PCDHA1: variants seen among roughly 807,000 people sequenced by gnomAD.
PCDHA1 encodes the protein protocadherin alpha-1.
In PCDHA1, 42 loss-of-function variants were observed where a neutral mutation model predicts 61.3. That is an observed-to-expected ratio of 0.69 (90% confidence interval 0.54 to 0.89). PCDHA1 has a LOEUF of 0.89. Ranked by LOEUF, PCDHA1 falls within the 40% of genes least tolerant of loss-of-function variation. The pLI, the probability that PCDHA1 is intolerant of heterozygous loss-of-function variation, is 0.00. For synonymous variants in PCDHA1, 610 were observed against 553.8 expected (o/e 1.10, Z -1.43); for missense variants, 1,256 against 1,235.3 (o/e 1.02, Z -0.25).
intron 1 of PCDHA1, chr5:140,854,286 T>C: frequency 3.8e-6 from 2 of 522,000 alleles, no homozygotes; most frequent in Non-Finnish European, 4.9e-6. Context: ...AGTTTAGTTT[T>C]TATTATTTTG....
chr5:140,819,712 ATAATT>A (rs1766603643), intron 1 of PCDHA1, among the ~76,000 whole-genome samples: 1 of 152,132 alleles, frequency 6.6e-6, no homozygotes, highest in Non-Finnish European at 1.5e-5. Context: ...AAAAGTAAAT[ATAATT>A]TAACAGATAT....
chr5:140,840,467 A>G (rs1269068872), intron 1 of PCDHA1, among the ~76,000 whole-genome samples: 8 of 152,088 alleles, frequency 5.3e-5, no homozygotes, highest in East Asian at 1.9e-4. Flanking sequence ...AAAGTTGGGG[A>G]AAAAAGTTTA....
intron 1 of PCDHA1, among the ~76,000 whole-genome samples, chr5:140,963,787 A>G (rs155812): frequency 0.31 from 47,834 of 152,128 alleles, 7,882 homozygotes; most frequent in East Asian, 0.53. Context: ...AACAACAACA[A>G]TAATGTACTT....
At chr5:140,928,240 C>G (rs1174659124) in intron 1 of PCDHA1, 1 of 1,614,108 alleles carries the variant, frequency 6.2e-7, no homozygotes, top group Non-Finnish European at 8.5e-7. Flanking sequence ...TCAACCCCAG[C>G]AGGAACTTTT....
At position 140,969,226 on chromosome 5, in the gene PCDHA1, G is replaced by A. The variant is rs145631723; in HGVS notation, c.2395-9723G>A. 3.9e-4 allele frequency: 622 copies of A among 1,614,150 alleles called. 3 individuals are homozygous for A. The African/African-American group carries it at 5.9e-3, about 15-fold the overall frequency. On this transcript the variant is annotated intron_variant, in intron 1 of 3. Transcript: ENST00000504120. Reference sequence around the variant, plus strand: ...GGGCCCAGACAGGACCAGGGCCTTCGGGAGCCCAAGCAGCAGTGACTGACA... The same window carrying A: ...GGGCCCAGACAGGACCAGGGCCTTCAGGAGCCCAAGCAGCAGTGACTGACA...
intron 3 of PCDHA1, among the ~76,000 whole-genome samples, chr5:140,987,372 A>G (rs1357478474): frequency 6.6e-6 from 1 of 152,204 alleles, no homozygotes; most frequent in Non-Finnish European, 1.5e-5. Flanking sequence ...ATATCATTAC[A>G]GGGTCAGAAT....
At chr5:140,832,340 G>T (rs2150201175) in intron 1 of PCDHA1, among the ~76,000 whole-genome samples, 2 of 152,234 alleles carry the variant, frequency 1.3e-5, no homozygotes, top group African/African-American at 4.8e-5. Flanking sequence ...ACTGAGTTGT[G>T]GTTTGTGTTT....
At chr5:140,854,696 T>C (rs190246288) in intron 1 of PCDHA1, 1 of 150,200 alleles carries the variant, frequency 6.7e-6, no homozygotes, top group East Asian at 1.9e-4. Flanking sequence ...TTGTTAAGTT[T>C]TCCTTTCTTG....
chr5:140,798,381 T>C (rs947799432), intron 1 of PCDHA1, among the ~76,000 whole-genome samples: 1 of 152,188 alleles, frequency 6.6e-6, no homozygotes, highest in Non-Finnish European at 1.5e-5. Flanking sequence ...ATAGAGAGTA[T>C]TGAGAAAAGA....
At chr5:140,823,513 G>C in intron 1 of PCDHA1, 2 of 1,613,474 alleles carry the variant, frequency 1.2e-6, no homozygotes, top group Non-Finnish European at 1.7e-6. Flanking sequence ...GAGCGAGCTG[G>C]TGCCGAGGTC....
chr5:140,823,016 G>T (rs1554129036), intron 1 of PCDHA1: 1 of 1,614,216 alleles, frequency 6.2e-7, no homozygotes, highest in Non-Finnish European at 8.5e-7. Context: ...GCCCTGGACC[G>T]CGAGAGCGTG....
rs2150107729 is a variant in PCDHA1, at chr5:140,820,707, A to G, written c.2394+32023A>G. ...ATAAAATGATATTCTTTTCAACATG[A>G]TTATATTTACTGGAACCTAAACATT... On this transcript the variant is annotated intron_variant, in intron 1 of 3. Coordinates refer to ENST00000504120, the MANE Select transcript of PCDHA1 (RefSeq NM_018900.4). Among the ~76,000 whole-genome samples the G allele has an allele frequency of 7.0e-4, 106 of 152,222 alleles. 2 individuals carry two copies. Among genetic ancestry groups the G allele is most frequent in the Admixed American group, 6.3e-3 (96 of 15,296 alleles).
chr5:140,878,406 T>A (rs1198360264), intron 1 of PCDHA1, among the ~76,000 whole-genome samples: 2 of 152,254 alleles, frequency 1.3e-5, no homozygotes, highest in Non-Finnish European at 2.9e-5. Flanking sequence ...CAAAATATCT[T>A]CTTTATTTCA....
At chr5:140,834,242 C>T in intron 1 of PCDHA1, 8 of 829,662 alleles carry the variant, frequency 9.6e-6, no homozygotes, top group Non-Finnish European at 1.5e-5. Flanking sequence ...TTCCTTTTCG[C>T]ACTGGAAAGA....
chr5:140,907,693 G>A (rs573463032), intron 1 of PCDHA1, among the ~76,000 whole-genome samples: 49 of 152,318 alleles, frequency 3.2e-4, no homozygotes, highest in Non-Finnish European at 6.5e-4. Flanking sequence ...GTGAGTGGAA[G>A]TCCCTGTTGC....
At chr5:140,877,095 C>T in intron 1 of PCDHA1, 1 of 1,613,330 alleles carries the variant, frequency 6.2e-7, no homozygotes, top group Non-Finnish European at 8.5e-7. Context: ...GCGACGCCGG[C>T]GTGCCGCCTC....
At chr5:140,805,660 A>G (rs1356388954) in intron 1 of PCDHA1, 3 of 845,886 alleles carry the variant, frequency 3.5e-6, no homozygotes, top group Non-Finnish European at 4.3e-6. Flanking sequence ...TTCATTCCCC[A>G]TTAATACCCA....
At chr5:140,834,569 C>A in intron 1 of PCDHA1, 1 of 1,614,088 alleles carries the variant, frequency 6.2e-7, no homozygotes, top group South Asian at 1.1e-5. Flanking sequence ...TGGTGCCGCG[C>A]CTGTTCCGGG....
chr5:140,883,518 G>A, intron 1 of PCDHA1: 2 of 1,614,234 alleles, frequency 1.2e-6, no homozygotes, highest in South Asian at 1.1e-5. Flanking sequence ...GACCGCGAGA[G>A]CGTATCAGCC....
Sources: allele counts gnomAD v4.1 joint callset (sites outside exome capture counted in the v4.1 genomes callset), GRCh38; gene constraint gnomAD v4.1.1; transcripts MANE v1.5; gene names NCBI Gene and HGNC (gene_info 2026-07-23, HGNC 2026-07-21).